TIAM1: variants seen among roughly 807,000 people sequenced by gnomAD.
The protein encoded by TIAM1 is TIAM Rac1 associated GEF 1, also known as rho guanine nucleotide exchange factor TIAM1.
TIAM1 carries 65 observed loss-of-function variants against 163.5 expected under a neutral mutation model. That is an observed-to-expected ratio of 0.40 (90% CI 0.33 to 0.49). The LOEUF (loss-of-function observed/expected upper bound fraction) is 0.49, where lower values mean the gene tolerates loss of function less well. Among genes scored for constraint, TIAM1 ranks in the 20% least tolerant of loss-of-function variants. The probability of loss-of-function intolerance (pLI) is 0.77; values close to 1 mark genes in which losing one functional copy is unlikely to be tolerated. For missense variants in TIAM1, 1,789 were observed against 2,044.7 expected (o/e 0.87, Z 2.41); for synonymous variants, 833 against 810.1 (o/e 1.03, Z -0.48).
intron 10 of TIAM1, among the ~76,000 whole-genome samples, chr21:31,210,581 AGAAAGAAAGAAAGAGAGAAAGAAG>A (rs2086691643): frequency 7.3e-5 from 9 of 122,624 alleles, no homozygotes; most frequent in African/African-American, 3.7e-4. Flanking sequence ...AAAGAAAGAA[AGAAAGAAAGAAAGAGAGAAAGAAG>A]GAAGGAAGGG....
At chr21:31,233,133 G>A (rs751990909) in intron 6 of TIAM1, among the ~76,000 whole-genome samples, 6 of 152,046 alleles carry the variant, frequency 3.9e-5, no homozygotes, top group Non-Finnish European at 7.4e-5. Flanking sequence ...GCAGGAAAAG[G>A]GAAATTCATT....
intron 23 of TIAM1, among the ~76,000 whole-genome samples, chr21:31,131,830 C>T (rs2082421177): frequency 6.6e-6 from 1 of 152,172 alleles, no homozygotes; most frequent in Non-Finnish European, 1.5e-5. Flanking sequence ...ACTCTGTCCT[C>T]ATGAATGGGA....
chr21:31,255,436 C>T (rs2072043712), intron 4 of TIAM1, among the ~76,000 whole-genome samples: 1 of 152,206 alleles, frequency 6.6e-6, no homozygotes, highest in African/African-American at 2.4e-5. Context: ...GCCAGAGGTG[C>T]TACTCAACAC....
intron 1 of TIAM1, among the ~76,000 whole-genome samples, chr21:31,480,860 T>A (rs1013787054): frequency 6.6e-6 from 1 of 152,136 alleles, no homozygotes; most frequent in Non-Finnish European, 1.5e-5. Context: ...TTCAGACAAT[T>A]CTCCTGCCTC....
At chr21:31,484,441 GC>G (rs1433825032) in intron 1 of TIAM1, among the ~76,000 whole-genome samples, 4 of 152,162 alleles carry the variant, frequency 2.6e-5, no homozygotes, top group African/African-American at 9.7e-5. Context: ...ACTGTGGGTG[GC>G]CTCCAAACCC....
chr21:31,485,878 G>T (rs1409447774), intron 1 of TIAM1, among the ~76,000 whole-genome samples: 1 of 152,182 alleles, frequency 6.6e-6, no homozygotes, highest in Non-Finnish European at 1.5e-5. Flanking sequence ...ACCCAGGCAC[G>T]AAGGGGGTGA....
chr21:31,483,234 G>A (rs958719898), intron 1 of TIAM1, among the ~76,000 whole-genome samples: 1 of 152,138 alleles, frequency 6.6e-6, no homozygotes, highest in African/African-American at 2.4e-5. Flanking sequence ...CCACCACCAT[G>A]GGATCAAGCA....
intron 2 of TIAM1, among the ~76,000 whole-genome samples, chr21:31,305,147 C>T (rs1294294502): frequency 6.6e-6 from 1 of 152,112 alleles, no homozygotes; most frequent in Non-Finnish European, 1.5e-5. Flanking sequence ...CAAAGATGTG[C>T]AACTAGAAGT....
intron 2 of TIAM1, among the ~76,000 whole-genome samples, chr21:31,302,812 AATCT>A (rs751631714): frequency 2.6e-5 from 4 of 152,232 alleles, no homozygotes; most frequent in Non-Finnish European, 5.9e-5. Flanking sequence ...ATAAAATTAA[AATCT>A]ATCTATATTT....
At chr21:31,298,541 C>T (rs1226955057) in intron 2 of TIAM1, among the ~76,000 whole-genome samples, 1 of 152,134 alleles carries the variant, frequency 6.6e-6, no homozygotes, top group Non-Finnish European at 1.5e-5. Context: ...AGTGTCATGG[C>T]TGGCCAGCTC....
chr21:31,361,906 GTATACATATACACATA>G (rs1569265450), intron 2 of TIAM1, among the ~76,000 whole-genome samples: 1 of 151,860 alleles, frequency 6.6e-6, no homozygotes, highest in Non-Finnish European at 1.5e-5. Flanking sequence ...CATTTGGTAT[GTATACATATACACATA>G]TATACATATA....
At position 31,210,509 on chromosome 21, in the gene TIAM1, A is replaced by AAG. The variant is rs201888669; in HGVS notation, c.2218-296_2218-295dup. 8.9e-3 allele frequency among the ~76,000 whole-genome samples: 1,251 copies of AAG among 140,880 alleles called. 51 individuals carry two copies. The highest frequency in any genetic ancestry group is 0.033 in the African/African-American group (1,197 of 36,386). 92.4% of individuals were successfully genotyped at this position (140,880 alleles called of 152,430 possible). The stretch of plus-strand genomic sequence containing the variant: ...ATCAAAATTTGGAAGAAAAGAAAGA[A>AAG]AGAGAGAGAGATAGGGAAGGAAGGA... On this transcript the variant is annotated intron_variant, in intron 10 of 27. Transcript: ENST00000541036.
intron 15 of TIAM1, among the ~76,000 whole-genome samples, chr21:31,174,617 C>T (rs2084675787): frequency 6.6e-6 from 1 of 152,190 alleles, no homozygotes; most frequent in South Asian, 2.1e-4. Flanking sequence ...AACGCTGGAA[C>T]TTTTATTATT....
chr21:31,503,585 A>AG (rs2046923590), intron 1 of TIAM1, among the ~76,000 whole-genome samples: 1 of 1,478 alleles, frequency 6.8e-4, no homozygotes, highest in East Asian at 0.036. Flanking sequence ...AGAAAGAGAA[A>AG]GAGAGGAGGG....
rs771930384 is a variant in TIAM1 at position 31,141,570 on chromosome 21, C to T, written c.3476-66G>A. 1.5e-4 allele frequency: 231 copies of T among 1,568,396 alleles called. No individual in the cohort carries two copies. Among genetic ancestry groups the T allele is most frequent in the Admixed American group, 3.5e-4 (20 of 57,330 alleles). On this transcript the variant is annotated intron_variant, in intron 20 of 27. Coordinates refer to ENST00000541036, the MANE Select transcript of TIAM1 (RefSeq NM_001353694.2). The surrounding 1 kb of genome is among the most constrained non-coding windows in gnomAD (Gnocchi z 4.7). ...ACGTGACTCCCTTCCCACAATTTCC[C>T]TCCCTTCCTCAGTGACTCCAAGGTG...
chr21:31,498,674 G>A (rs975493334), intron 1 of TIAM1, among the ~76,000 whole-genome samples: 35 of 152,178 alleles, frequency 2.3e-4, no homozygotes, highest in Admixed American at 1.8e-3. Flanking sequence ...GGCCAGACAC[G>A]GTGGCTCACG....
chr21:31,170,411 G>A (rs2084445365), intron 15 of TIAM1, among the ~76,000 whole-genome samples: 1 of 152,152 alleles, frequency 6.6e-6, no homozygotes, highest in African/African-American at 2.4e-5. Flanking sequence ...AGGCCACAGT[G>A]TAAATTTCAA....
At chr21:31,435,482 A>T (rs1250864602) in intron 2 of TIAM1, among the ~76,000 whole-genome samples, 1 of 152,214 alleles carries the variant, frequency 6.6e-6, no homozygotes, top group African/African-American at 2.4e-5. Context: ...TTGAGCCCTG[A>T]ATCATTCATA....
At chr21:31,414,015 C>T (rs191495845) in intron 2 of TIAM1, among the ~76,000 whole-genome samples, 31 of 152,278 alleles carry the variant, frequency 2.0e-4, no homozygotes, top group Admixed American at 5.2e-4. Flanking sequence ...TGACATTTGG[C>T]GGATGACAAA....
Sources: gnomAD v4.1 joint callset for allele counts (sites outside exome capture counted in the v4.1 genomes callset) on GRCh38, gnomAD v4.1.1 for gene constraint, Gnocchi (gnomAD v3.1) non-coding constraint, MANE v1.5 for transcripts, NCBI Gene and HGNC (gene_info 2026-07-23, HGNC 2026-07-21) for gene names.